The following SETX variants were observed in gnomAD, a reference collection of about 807,000 sequenced individuals.
SETX encodes the protein helicase senataxin.
In SETX, 90 loss-of-function variants were observed where a neutral mutation model predicts 227.2. That is an observed-to-expected ratio of 0.40 (90% CI 0.33 to 0.47). SETX has a LOEUF of 0.47. SETX is among the 20% of genes least tolerant of loss of function. The probability of loss-of-function intolerance (pLI) is 0.91; values close to 1 mark genes in which losing one functional copy is unlikely to be tolerated. For missense variants in SETX, 3,052 were observed against 3,181.5 expected, an observed-to-expected ratio of 0.96 and a Z score of 0.98; for synonymous variants, 1,210 against 1,113.2, an observed-to-expected ratio of 1.09 and a Z score of -1.73.
chr9:132,303,371 A>G (rs1337318837), intron 11 of SETX, among the ~76,000 whole-genome samples: 1 of 151,242 alleles, frequency 6.6e-6, no homozygotes, highest in African/African-American at 2.4e-5. Flanking sequence ...TAATCCTTAC[A>G]TATGTCATAT....
chr9:132,319,680 A>G (rs1166136516), intron 10 of SETX, among the ~76,000 whole-genome samples: 1 of 152,204 alleles, frequency 6.6e-6, no homozygotes, highest in Non-Finnish European at 1.5e-5. Context: ...ATTGCCACTC[A>G]CAACAATTCA....
intron 6 of SETX, among the ~76,000 whole-genome samples, chr9:132,335,299 G>C (rs1328316421): frequency 6.9e-6 from 1 of 145,114 alleles, no homozygotes; most frequent in Non-Finnish European, 1.5e-5. Context: ...GCTGAGGCAG[G>C]AGAATGGCGT....
Position 132,331,146 on chromosome 9 carries a change from T to C in SETX, c.1011-7A>G, listed in dbSNP as rs762337277. On this transcript the variant is annotated splice_polypyrimidine_tract_variant and splice_region_variant and intron_variant, in intron 8 of 25. Transcript: ENST00000224140. The stretch of plus-strand genomic sequence containing the variant: ...CTCCGGTTCTAACTTGGTCCTTAAA[T>C]ATTAAGAATAAATAGAAATTACTGA... The C allele has an allele frequency of 6.2e-7, 1 of 1,611,946 alleles. No homozygotes were observed. Among genetic ancestry groups the C allele is most frequent in the Non-Finnish European group, 8.5e-7 (1 of 1,178,232 alleles).
intron 2 of SETX, among the ~76,000 whole-genome samples, chr9:132,353,007 C>T (rs1459650433): frequency 6.6e-6 from 1 of 152,186 alleles, no homozygotes; most frequent in Non-Finnish European, 1.5e-5. Context: ...ACATTTTCAT[C>T]ATTTGCCTGG....
At chr9:132,284,910 G>C (rs796142886) in intron 18 of SETX, among the ~76,000 whole-genome samples, 9 of 149,450 alleles carry the variant, frequency 6.0e-5, no homozygotes, top group African/African-American at 2.0e-4. Context: ...ACGGAGTCTC[G>C]CTCTGTCACC....
intron 11 of SETX, among the ~76,000 whole-genome samples, chr9:132,306,919 CA>C (rs1564514845): frequency 6.6e-6 from 1 of 152,186 alleles, no homozygotes; most frequent in Non-Finnish European, 1.5e-5. Context: ...TCAGAATTGT[CA>C]TATCTTCTGT....
intron 6 of SETX, among the ~76,000 whole-genome samples, chr9:132,335,392 A>G (rs7032943): frequency 2.2e-4 from 1 of 4,626 alleles, no homozygotes; most frequent in African/African-American, 3.4e-4. Context: ...CTCCGTCTCA[A>G]AAAAAAAAAA....
chr9:132,273,211 G>A (rs370818492), intron 23 of SETX, among the ~76,000 whole-genome samples: 2 of 152,014 alleles, frequency 1.3e-5, no homozygotes, highest in East Asian at 1.9e-4. Context: ...CGCCCAGGCT[G>A]GAGTGCAATG....
intron 15 of SETX, among the ~76,000 whole-genome samples, chr9:132,292,415 C>CAAAAAAA (rs60253119): frequency 4.8e-4 from 29 of 61,014 alleles, no homozygotes; most frequent in Non-Finnish European, 8.6e-4. Context: ...AGCTGGGGTA[C>CAAAAAAA]AAAAAAAAAA....
chr9:132,349,138 C>A (rs1421655828), intron 3 of SETX, 114 bp downstream of exon 3: 10 of 1,036,554 alleles, frequency 9.6e-6, no homozygotes, highest in East Asian at 2.6e-5. Context: ...AAAAAAAAAA[C>A]CCACAAAGTT....
At chr9:132,312,078 T>C (rs574482521) in intron 10 of SETX, among the ~76,000 whole-genome samples, 16 of 152,198 alleles carry the variant, frequency 1.1e-4, no homozygotes, top group Non-Finnish European at 4.4e-5. Flanking sequence ...ATAAAAATGT[T>C]AAAAAATAAA....
At chr9:132,334,019 C>A (rs1847434530) in intron 7 of SETX, among the ~76,000 whole-genome samples, 1 of 151,964 alleles carries the variant, frequency 6.6e-6, no homozygotes, top group Non-Finnish European at 1.5e-5. Flanking sequence ...AGGCTTACCC[C>A]ACAATGTTAA....
intron 20 of SETX, among the ~76,000 whole-genome samples, chr9:132,279,575 G>A (rs1051670655): frequency 2.0e-5 from 3 of 152,170 alleles, no homozygotes; most frequent in African/African-American, 4.8e-5. Flanking sequence ...AACTATGGGA[G>A]TGGAAGAAAG....
chr9:132,265,930 C>T (rs928146261), intron 25 of SETX, among the ~76,000 whole-genome samples: 4 of 152,150 alleles, frequency 2.6e-5, no homozygotes, highest in Admixed American at 2.6e-4. Flanking sequence ...CTTCATCCAC[C>T]GAGATCTCAA....
At chr9:132,279,767 C>CGCAT (rs1843393039) in intron 20 of SETX, among the ~76,000 whole-genome samples, 2 of 152,068 alleles carry the variant, frequency 1.3e-5, no homozygotes, top group South Asian at 4.1e-4. Flanking sequence ...TGTAAGGTAA[C>CGCAT]GCATCTACCT....
chr9:132,280,934 T>C (rs1355608678), intron 20 of SETX, among the ~76,000 whole-genome samples: 4 of 152,170 alleles, frequency 2.6e-5, no homozygotes, highest in African/African-American at 4.8e-5. Flanking sequence ...ACCTTCACTT[T>C]CAGATGATGT....
At chr9:132,338,779 G>A (rs995817521) in intron 5 of SETX, among the ~76,000 whole-genome samples, 4 of 151,740 alleles carry the variant, frequency 2.6e-5, no homozygotes, top group African/African-American at 9.7e-5. Context: ...ATTTTTTTGA[G>A]AAAGAGTCTC....
chr9:132,314,803 A>C (rs1354793586), intron 10 of SETX, among the ~76,000 whole-genome samples: 1 of 151,650 alleles, frequency 6.6e-6, no homozygotes, highest in South Asian at 2.1e-4. Flanking sequence ...TTCCACATAG[A>C]CTAAATACAC....
Position 132,300,513 on chromosome 9 carries a change from A to G in SETX, c.5548+117T>C, listed in dbSNP as rs975323148. 2.5e-5 allele frequency: 29 copies of G among 1,143,936 alleles called. No individual in the cohort carries two copies. In the Admixed American group the frequency reaches 4.0e-4, roughly 16 times the overall value. The allele number at this position is 1,143,936 out of a possible 1,614,324, so 70.9% of individuals were successfully genotyped here. On this transcript the variant is annotated intron_variant, in intron 12 of 25. Coordinates refer to ENST00000224140, the MANE Select transcript of SETX (RefSeq NM_015046.7). ...CTCTGAATGGCCATGTAATCAACAT[A>G]GCAAAAACATGTTCGGTAAATGTCT...
Sources: allele counts gnomAD v4.1 joint callset (sites outside exome capture counted in the v4.1 genomes callset), GRCh38; gene constraint gnomAD v4.1.1; transcripts MANE v1.5; gene names NCBI Gene and HGNC (gene_info 2026-07-23, HGNC 2026-07-21).